NBPF11: variants seen among roughly 807,000 people sequenced by gnomAD.
The protein encoded by NBPF11 is NBPF family member NBPF11.
NBPF11 carries 72 observed loss-of-function variants against 93.9 expected under a neutral mutation model. The observed-to-expected ratio is 0.77, with a 90% confidence interval of 0.63 to 0.93. The LOEUF (loss-of-function observed/expected upper bound fraction) is 0.93, where lower values mean the gene tolerates loss of function less well. Ranked by LOEUF, NBPF11 falls within the 40% of genes least tolerant of loss-of-function variation. The pLI is 0.00. For synonymous variants in NBPF11, 224 were observed against 304.9 expected (o/e 0.73, Z 2.76); for missense variants, 705 against 802.2 (o/e 0.88, Z 1.46).
chr1:148,134,577 A>G (rs1670962059), intron 4 of NBPF11, among the ~76,000 whole-genome samples: 2 of 149,546 alleles, frequency 1.3e-5, no homozygotes, highest in Admixed American at 1.3e-4. Context: ...TAATATCCCC[A>G]AGTCTGTGCT....
intron 1 of NBPF11, chr1:148,149,393 G>A: frequency 1.3e-6 from 2 of 1,586,652 alleles, no homozygotes; most frequent in South Asian, 1.1e-5. Flanking sequence ...CCACGGCAGG[G>A]AGGACGAGGT....
At chr1:148,126,757 T>C in intron 5 of NBPF11, 72 bp downstream of exon 5, 35 of 1,487,194 alleles carry the variant, frequency 2.4e-5, no homozygotes, top group Non-Finnish European at 3.3e-5. Context: ...AAGGATGAAA[T>C]TATTTTTGAT....
Position 148,123,709 on chromosome 1 carries a change from C to T in NBPF11, c.493+144G>A, listed in dbSNP as rs80251577. 10 of 1,517,018 alleles carry T rather than the reference C, an allele frequency of 6.6e-6. No homozygotes were observed. In the East Asian group the frequency reaches 6.8e-5, roughly 10 times the overall value. The allele number at this position is 1,517,018 out of a possible 1,614,324, so 94.0% of individuals were successfully genotyped here. ...GATGGGTTTCCCATTTCTGTTCTTA[C>T]TCAGGAAGTCCTGATCATGTCATGG... On this transcript the variant is annotated intron_variant, in intron 7 of 23. Coordinates refer to ENST00000682118, the MANE Select transcript of NBPF11 (RefSeq NM_001385469.3).
chr1:148,152,047 G>C lies in NBPF11; in HGVS notation c.-846C>G, dbSNP rs1337528647. The C allele has an allele frequency of 2.6e-5, 4 of 152,104 alleles. No homozygotes were observed. The highest frequency in any genetic ancestry group is 5.9e-5 in the Non-Finnish European group (4 of 68,086). 9.4% of individuals were successfully genotyped at this position (152,104 alleles called of 1,614,324 possible). A position where few individuals can be genotyped will look rare whatever the true frequency, so the allele number is the denominator to read the frequency against. On this transcript the variant is annotated 5_prime_UTR_variant, in exon 1 of 24. Coordinates refer to ENST00000682118, the MANE Select transcript of NBPF11 (RefSeq NM_001385469.3). ...GCGCAGCTGGGCCTTAAAGGGACCC[G>C]GCTGCCTCTACCGCACAGCGGGTTC...
chr1:148,120,613 A>G lies in NBPF11; in HGVS notation c.876T>C (p.Asn292=), dbSNP rs1667599457. 2.0e-6 allele frequency: 3 copies of G among 1,517,566 alleles called. 1 individual carries two copies. Among genetic ancestry groups the G allele is most frequent in the South Asian group, 1.1e-5 (1 of 89,298 alleles). The allele number at this position is 1,517,566 out of a possible 1,614,324, so 94.0% of individuals were successfully genotyped here. A position where few individuals can be genotyped will look rare whatever the true frequency, so the allele number is the denominator to read the frequency against. The part of the protein sequence containing the change: ...EKAEMNILEI[N]EKLCPQLAEK... Reference sequence around the variant, plus strand: ...CTGCCAGCTGGGGGCACAATTTCTCATTGATTTCTAGAATGTTCATCTCTG... The same window carrying G: ...CTGCCAGCTGGGGGCACAATTTCTCGTTGATTTCTAGAATGTTCATCTCTG... The change falls in exon 10 of 24, where the codon AAT becomes AAC. Residue 292 remains asparagine (N), a synonymous_variant. Transcript: ENST00000682118.
At position 148,108,548 on chromosome 1, in the gene NBPF11, G is replaced by T. The variant is rs1446535010; in HGVS notation, c.1960C>A (p.Gln654Lys). ...SVYLGLTDSC[Q>K]PYRSAFYVLE... Reference sequence around the variant, plus strand: ...ACGTAAAAGGCACTTCTGTAGGGCTGGCATGAGTCAGTCAGTCCAAGATAA... The same window carrying T: ...ACGTAAAAGGCACTTCTGTAGGGCTTGCATGAGTCAGTCAGTCCAAGATAA... Residue 654 changes from glutamine to lysine, a missense_variant, in exon 18 of 24, where the codon CAG (glutamine) becomes AAG (lysine). By Grantham distance (53) the Gln-to-Lys change is moderately conservative. Around this residue, in one of 12 missense-constraint regions of NBPF11, gnomAD observed 97 missense variants for 65.0 expected, o/e 1.49. Transcript: ENST00000682118. 6 of 1,603,550 alleles carry T rather than the reference G, an allele frequency of 3.7e-6. No individual in the cohort carries two copies. The highest frequency in any genetic ancestry group is 4.3e-6 in the Non-Finnish European group (5 of 1,173,142).
chr1:148,121,045 G>GT, intron 9 of NBPF11, among the ~76,000 whole-genome samples: 1 of 151,684 alleles, frequency 6.6e-6, no homozygotes. Flanking sequence ...TCCTTTTTTG[G>GT]TTTTTTGTTT....
At chr1:148,151,487 C>A (rs1405751552) in intron 1 of NBPF11, among the ~76,000 whole-genome samples, 4 of 152,076 alleles carry the variant, frequency 2.6e-5, no homozygotes, top group Non-Finnish European at 5.9e-5. Context: ...TCCCTCCACC[C>A]CCTGGGATGC....
At chr1:148,104,367 A>T (rs1411863562) in intron 23 of NBPF11, among the ~76,000 whole-genome samples, 170 bp downstream of exon 23, 1 of 147,310 alleles carries the variant, frequency 6.8e-6, no homozygotes, top group Admixed American at 6.7e-5. Context: ...TGATAAGGGG[A>T]GGAAGAAATG....
rs1309349904 is a variant in NBPF11, at chr1:148,128,970, C to T, written c.-35-1932G>A. Among the ~76,000 whole-genome samples, 22 of 147,274 alleles carry T rather than the reference C, an allele frequency of 1.5e-4. 2 individuals carry two copies. Among genetic ancestry groups the T allele is most frequent in the African/African-American group, 2.3e-4 (9 of 39,232 alleles). ...ACAATGAGAACACTTGGACACAGGG[C>T]GGGGAACATCACACACCAGGGCCTG... is the stretch of plus-strand genomic sequence containing the variant. On this transcript the variant is annotated intron_variant, in intron 4 of 23. Transcript: ENST00000682118.
chr1:148,122,362 G>T, intron 8 of NBPF11, 96 bp from the exon 9 acceptor site: 1 of 1,585,282 alleles, frequency 6.3e-7, no homozygotes, highest in South Asian at 1.1e-5. Flanking sequence ...GGCATTAAGA[G>T]AGTGGTCCCA....
At chr1:148,125,036 G>A (rs1553272751) in intron 5 of NBPF11, 35 bp from the exon 6 acceptor site, 16 of 1,434,728 alleles carry the variant, frequency 1.1e-5, no homozygotes, top group Non-Finnish European at 1.4e-5. Context: ...CTCAGTGGAA[G>A]GCTGGACATG....
intron 9 of NBPF11, among the ~76,000 whole-genome samples, chr1:148,121,307 G>C (rs1667768582): frequency 6.6e-6 from 1 of 150,926 alleles, no homozygotes; most frequent in Non-Finnish European, 1.5e-5. Context: ...GCCTCTCAAA[G>C]TGCTGGGATT....
At chr1:148,108,777 G>T in intron 17 of NBPF11, 123 bp from the exon 18 acceptor site, 1 of 701,048 alleles carries the variant, frequency 1.4e-6, no homozygotes, top group Non-Finnish European at 2.6e-6. Flanking sequence ...CCATTAATGA[G>T]GTAACAAATT....
intron 1 of NBPF11, chr1:148,146,763 C>T (rs1288908257): frequency 1.2e-6 from 2 of 1,612,986 alleles, no homozygotes; most frequent in African/African-American, 2.7e-5. Context: ...ATGCCGTGGA[C>T]CTGGGCCAGA....
At chr1:148,146,472 C>T (rs1571498832) in intron 1 of NBPF11, 9 of 1,604,526 alleles carry the variant, frequency 5.6e-6, no homozygotes, top group African/African-American at 2.7e-5. Flanking sequence ...CTGCCAAGCT[C>T]GCCTTCCTGC....
intron 9 of NBPF11, among the ~76,000 whole-genome samples, 189 bp downstream of exon 9, chr1:148,121,866 T>C (rs1389741099): frequency 6.6e-6 from 1 of 151,816 alleles, no homozygotes; most frequent in Non-Finnish European, 1.5e-5. Flanking sequence ...GGTCTTCAAC[T>C]CCTGAACTCA....
chr1:148,122,643 C>A (rs1553271865), intron 8 of NBPF11, 86 bp downstream of exon 8: 1 of 1,571,634 alleles, frequency 6.4e-7, no homozygotes, highest in Non-Finnish European at 8.7e-7. Flanking sequence ...GGGCTTTTGG[C>A]CCATCATAGA....
intron 10 of NBPF11, among the ~76,000 whole-genome samples, chr1:148,119,900 C>T (rs112325351): frequency 6.6e-5 from 10 of 152,168 alleles, no homozygotes; most frequent in South Asian, 2.1e-4. Context: ...GTGCTCTACC[C>T]GCCTCAGCCT....
Sources: allele counts gnomAD v4.1 joint callset (sites outside exome capture counted in the v4.1 genomes callset), GRCh38; gene constraint gnomAD v4.1.1; regional missense constraint gnomAD v4.1.1; transcripts MANE v1.5; gene names NCBI Gene and HGNC (gene_info 2026-07-23, HGNC 2026-07-21).